UBASH3B: variants seen among roughly 807,000 people sequenced by gnomAD.
The protein encoded by UBASH3B is ubiquitin-associated and SH3 domain-containing protein B.
Under a neutral mutation model 83.4 loss-of-function variants are expected in UBASH3B, and 37 were observed. The observed-to-expected ratio is 0.44, with a 90% CI of 0.34 to 0.58. The LOEUF (loss-of-function observed/expected upper bound fraction) is 0.58. Ranked by LOEUF, UBASH3B falls within the 20% of genes least tolerant of loss-of-function variation. The probability of loss-of-function intolerance (pLI) is 0.01; values close to 1 mark genes in which losing one functional copy is unlikely to be tolerated. For synonymous variants in UBASH3B, 304 were observed against 318.3 expected (o/e 0.96, Z 0.48); for missense variants, 657 against 827.2 (o/e 0.79, Z 2.52).
intron 1 of UBASH3B, among the ~76,000 whole-genome samples, chr11:122,729,586 G>T (rs1427313847): frequency 6.6e-6 from 1 of 151,992 alleles, no homozygotes; most frequent in East Asian, 1.9e-4. Flanking sequence ...CTAATGTCTG[G>T]GTTGTTTTAA....
At chr11:122,747,680 C>G (rs982413790) in intron 1 of UBASH3B, among the ~76,000 whole-genome samples, 1 of 152,218 alleles carries the variant, frequency 6.6e-6, no homozygotes, top group Non-Finnish European at 1.5e-5. Context: ...TGGGGAACGT[C>G]TTTAAGCTTC....
At chr11:122,711,772 T>C (rs896667816) in intron 1 of UBASH3B, among the ~76,000 whole-genome samples, 2 of 152,214 alleles carry the variant, frequency 1.3e-5, no homozygotes, top group Non-Finnish European at 2.9e-5. Flanking sequence ...ATGGGAATAC[T>C]AATCCTGCCT....
At chr11:122,725,372 T>C (rs1257407576) in intron 1 of UBASH3B, among the ~76,000 whole-genome samples, 1 of 146,078 alleles carries the variant, frequency 6.8e-6, no homozygotes, top group Non-Finnish European at 1.5e-5. Context: ...ACTCAATGAC[T>C]TGAGTACCTC....
At position 122,711,601 on chromosome 11, in the gene UBASH3B, G is replaced by A. The variant is rs534339172; in HGVS notation, c.161+55391G>A. Among the ~76,000 whole-genome samples the A allele has an allele frequency of 1.2e-4, 19 of 152,292 alleles. No homozygotes were observed. The South Asian group carries it at 1.9e-3, about 15-fold the overall frequency. On this transcript the variant is annotated intron_variant, in intron 1 of 13. Coordinates refer to ENST00000284273, the MANE Select transcript of UBASH3B (RefSeq NM_032873.5). ...CTCTAAGTCTCCTGAGCATGCCCCC[G>A]GGCACTTCAGCCTGGCCTTGGCCTC...
intron 1 of UBASH3B, among the ~76,000 whole-genome samples, chr11:122,723,691 G>A (rs527672076): frequency 2.0e-5 from 3 of 152,330 alleles, no homozygotes; most frequent in Non-Finnish European, 4.4e-5. Context: ...GTCCCAAAGA[G>A]CACCGGGTAG....
At chr11:122,719,885 C>T (rs956231330) in intron 1 of UBASH3B, among the ~76,000 whole-genome samples, 7 of 152,190 alleles carry the variant, frequency 4.6e-5, no homozygotes, top group Non-Finnish European at 7.3e-5. Context: ...AGTCCTCTCT[C>T]GATGCTTCCT....
intron 1 of UBASH3B, among the ~76,000 whole-genome samples, chr11:122,751,795 T>C (rs1442460546): frequency 6.6e-6 from 1 of 152,184 alleles, no homozygotes; most frequent in Admixed American, 6.5e-5. Flanking sequence ...GAAACTGTGC[T>C]CCACATCACA....
At chr11:122,683,411 T>C (rs1368660900) in intron 1 of UBASH3B, among the ~76,000 whole-genome samples, 1 of 151,862 alleles carries the variant, frequency 6.6e-6, no homozygotes, top group Non-Finnish European at 1.5e-5. Context: ...GGTCAGGAGT[T>C]GGAGACCATC....
At chr11:122,713,091 T>C (rs557960396) in intron 1 of UBASH3B, among the ~76,000 whole-genome samples, 67 of 151,956 alleles carry the variant, frequency 4.4e-4, no homozygotes, top group African/African-American at 1.6e-3. Flanking sequence ...GTATTTTTAG[T>C]AGAGACGGGG....
At position 122,674,685 on chromosome 11, in the gene UBASH3B, C is replaced by CA. The variant is rs541769823; in HGVS notation, c.161+18476dup. ...CATGAGCCACCGCGCCCAGCCCAAA[C>CA]ATTGTCTTCTTACTCAGCACAGCAA... On this transcript the variant is annotated intron_variant, in intron 1 of 13. Transcript: ENST00000284273. Among the ~76,000 whole-genome samples, 497 of 148,936 alleles carry CA rather than the reference C, an allele frequency of 3.3e-3. 2 individuals are homozygous for CA. Among genetic ancestry groups the CA allele is most frequent in the African/African-American group, 0.011 (465 of 40,526 alleles).
chr11:122,767,314 T>TTGTTTTGTTC (rs1860562202), intron 1 of UBASH3B, among the ~76,000 whole-genome samples: 1 of 55,052 alleles, frequency 1.8e-5, no homozygotes, highest in Non-Finnish European at 3.3e-5. Flanking sequence ...TCTTTTTGTT[T>TTGTTTTGTTC]TGTTTTGTTT....
chr11:122,762,922 G>A (rs1455908760), intron 1 of UBASH3B, among the ~76,000 whole-genome samples: 2 of 152,214 alleles, frequency 1.3e-5, no homozygotes, highest in Non-Finnish European at 2.9e-5. Flanking sequence ...TATGTGCAAA[G>A]GTTATTTGTG....
chr11:122,746,047 A>G (rs566326937), intron 1 of UBASH3B, among the ~76,000 whole-genome samples: 125 of 152,274 alleles, frequency 8.2e-4, no homozygotes, highest in African/African-American at 2.8e-3. Flanking sequence ...CATGTGTGGG[A>G]TGGATGAACG....
rs1335304010 is a variant in UBASH3B at position 122,809,862 on chromosome 11, G to C, written c.1926G>C (p.Trp642Cys). The C allele has an allele frequency of 6.2e-7, 1 of 1,614,140 alleles. No individual in the cohort carries two copies. The highest frequency in any genetic ancestry group is 1.7e-5 in the Admixed American group (1 of 60,020). The change falls in exon 14 of 14, where the codon TGG (tryptophan) becomes TGC (cysteine). Residue 642 changes from tryptophan (W) to cysteine (C), a missense_variant. Around this residue, in one of 3 missense-constraint regions of UBASH3B, gnomAD observed 573 missense variants for 739.0 expected, o/e 0.78. Coordinates refer to ENST00000284273, the MANE Select transcript of UBASH3B (RefSeq NM_032873.5). ...LTHGPTGGFN[W>C]RETLLQE ...ATGGACCAACTGGGGGCTTCAACTG[G>C]AGAGAGACCTTGCTTCAAGAATAAA... is the stretch of plus-strand genomic sequence containing the variant.
At chr11:122,662,227 A>G (rs182101048) in intron 1 of UBASH3B, among the ~76,000 whole-genome samples, 1 of 151,786 alleles carries the variant, frequency 6.6e-6, no homozygotes, top group Admixed American at 6.6e-5. Context: ...CTTTTTTTAA[A>G]AAAACTTTTT....
chr11:122,658,998 G>A lies in UBASH3B; in HGVS notation c.161+2788G>A, dbSNP rs552080601. Among the ~76,000 whole-genome samples the A allele has an allele frequency of 1.1e-4, 17 of 152,304 alleles. No individual in the cohort carries two copies. The South Asian group carries it at 3.1e-3, about 28-fold the overall frequency. On this transcript the variant is annotated intron_variant, in intron 1 of 13. Coordinates refer to ENST00000284273, the MANE Select transcript of UBASH3B (RefSeq NM_032873.5). ...CCACTCCCTGCCTCTCCTACCTTCTGTTGGGGGCTGGCATTCTTTGGCTTG... is the reference window on the plus strand; with the variant it reads ...CCACTCCCTGCCTCTCCTACCTTCTATTGGGGGCTGGCATTCTTTGGCTTG...
intron 7 of UBASH3B, among the ~76,000 whole-genome samples, 182 bp from the exon 8 acceptor site, chr11:122,795,974 G>T (rs183093016): frequency 6.6e-6 from 1 of 152,312 alleles, no homozygotes; most frequent in Non-Finnish European, 1.5e-5. Flanking sequence ...TAAAGCACAT[G>T]CAGTTTATCT....
chr11:122,693,096 C>A (rs1390849268), intron 1 of UBASH3B, among the ~76,000 whole-genome samples: 1 of 151,846 alleles, frequency 6.6e-6, no homozygotes, highest in East Asian at 1.9e-4. Context: ...GGCAAAGAAC[C>A]TTCTCAAGGG....
intron 1 of UBASH3B, among the ~76,000 whole-genome samples, chr11:122,729,288 C>A (rs192509928): frequency 6.6e-6 from 1 of 152,248 alleles, no homozygotes; most frequent in Non-Finnish European, 1.5e-5. Context: ...CACTTTTGGT[C>A]TTGTGGCCCA....
Sources: allele counts gnomAD v4.1 joint callset (sites outside exome capture counted in the v4.1 genomes callset), GRCh38; gene constraint gnomAD v4.1.1; regional missense constraint gnomAD v4.1.1; transcripts MANE v1.5; gene names NCBI Gene and HGNC (gene_info 2026-07-23, HGNC 2026-07-21).